Variants in GRID2 observed in about 807,000 individuals in gnomAD.
The protein encoded by GRID2 is glutamate ionotropic receptor delta type subunit 2.
In GRID2, 33 loss-of-function variants were observed where a neutral mutation model predicts 114.8. The ratio of observed to expected loss-of-function variants is 0.29; its 90% CI spans 0.22 to 0.38. The LOEUF (loss-of-function observed/expected upper bound fraction) is 0.38, where lower values mean the gene tolerates loss of function less well. Among genes scored for constraint, GRID2 ranks in the 10% least tolerant of loss-of-function variants. The pLI is 1.00. For missense variants in GRID2, 1,184 were observed against 1,257.7 expected, an observed-to-expected ratio of 0.94 and a Z score of 0.89; for synonymous variants, 505 against 449.9, an observed-to-expected ratio of 1.12 and a Z score of -1.55.
intron 1 of GRID2, among the ~76,000 whole-genome samples, chr4:92,313,667 G>A (rs995198381): frequency 2.0e-5 from 3 of 151,974 alleles, no homozygotes; most frequent in African/African-American, 7.2e-5. Flanking sequence ...AGGAGTACAT[G>A]GTATTCTGGA....
chr4:93,220,652 C>T (rs921529511), intron 6 of GRID2, among the ~76,000 whole-genome samples: 11 of 152,088 alleles, frequency 7.2e-5, no homozygotes, highest in African/African-American at 1.9e-4. Context: ...TAGATGTATT[C>T]GGTGGCTTTG....
chr4:93,240,420 G>T (rs1052030448), intron 8 of GRID2, among the ~76,000 whole-genome samples: 1 of 151,140 alleles, frequency 6.6e-6, no homozygotes. Flanking sequence ...CTCTTCAGGT[G>T]TTTCTGAGTT....
intron 11 of GRID2, among the ~76,000 whole-genome samples, chr4:93,490,295 A>G (rs1179435438): frequency 6.6e-6 from 1 of 151,942 alleles, no homozygotes; most frequent in Admixed American, 6.6e-5. Flanking sequence ...AGGCATAGCA[A>G]TATTAATGTC....
intron 1 of GRID2, among the ~76,000 whole-genome samples, chr4:92,473,858 T>C (rs1252421120): frequency 6.6e-6 from 1 of 151,836 alleles, no homozygotes; most frequent in Non-Finnish European, 1.5e-5. Flanking sequence ...ACATAAAAAT[T>C]AGTATATTTA....
rs1731637414 is a variant in GRID2 at position 93,533,245 on chromosome 4, T to TTCCTTC, written c.2193+17834_2193+17835insTCCTTC. ...AATCTTGTAGGGCCCTTTCTTTCTC[T>TTCCTTC]CTTCCTTCCTTCCTTCCTTCCTTCC... On this transcript the variant is annotated intron_variant, in intron 13 of 15. Coordinates refer to ENST00000282020, the MANE Select transcript of GRID2 (RefSeq NM_001510.4). 1.8e-4 allele frequency among the ~76,000 whole-genome samples: 19 copies of TTCCTTC among 105,790 alleles called. No individual in the cohort carries two copies. In the East Asian group the frequency reaches 3.9e-3, roughly 22 times the overall value. 69.4% of individuals were successfully genotyped at this position (105,790 alleles called of 152,430 possible). A position where few individuals can be genotyped will look rare whatever the true frequency, so the allele number is the denominator to read the frequency against.
chr4:92,961,791 C>T (rs576156675), intron 2 of GRID2, among the ~76,000 whole-genome samples: 2 of 151,586 alleles, frequency 1.3e-5, no homozygotes, highest in Non-Finnish European at 2.9e-5. Context: ...CTGATAGTCT[C>T]ATTACATATA....
chr4:93,247,565 C>A (rs1045264956), intron 8 of GRID2, among the ~76,000 whole-genome samples: 2 of 151,984 alleles, frequency 1.3e-5, no homozygotes, highest in African/African-American at 4.8e-5. Flanking sequence ...GGCCTTACAC[C>A]CAGACTGGGA....
At chr4:93,249,113 A>G (rs1174135280) in intron 8 of GRID2, among the ~76,000 whole-genome samples, 1 of 152,188 alleles carries the variant, frequency 6.6e-6, no homozygotes, top group Non-Finnish European at 1.5e-5. Flanking sequence ...TCCCAAAATC[A>G]TTTATTAAAT....
intron 1 of GRID2, among the ~76,000 whole-genome samples, chr4:92,544,268 T>C (rs1726130143): frequency 6.6e-6 from 1 of 152,158 alleles, no homozygotes; most frequent in African/African-American, 2.4e-5. Context: ...GTAACTGTCA[T>C]GTAAACTGAT....
intron 2 of GRID2, among the ~76,000 whole-genome samples, chr4:92,886,454 C>T (rs1746373695): frequency 6.6e-6 from 1 of 151,920 alleles, no homozygotes; most frequent in African/African-American, 2.4e-5. Context: ...AACACAATAG[C>T]CTTGAAGTGC....
intron 13 of GRID2, among the ~76,000 whole-genome samples, chr4:93,596,036 A>G (rs1456766161): frequency 2.0e-5 from 3 of 152,176 alleles, no homozygotes; most frequent in African/African-American, 7.2e-5. Flanking sequence ...TGTTTATTCT[A>G]CATCTGTGTG....
intron 8 of GRID2, among the ~76,000 whole-genome samples, chr4:93,308,495 A>G (rs1330067622): frequency 6.6e-6 from 1 of 152,120 alleles, no homozygotes; most frequent in African/African-American, 2.4e-5. Context: ...CAAATTGTAA[A>G]CTCAGTCGAA....
chr4:93,317,987 AT>A (rs1756847018), intron 8 of GRID2, among the ~76,000 whole-genome samples: 1 of 3,588 alleles, frequency 2.8e-4, no homozygotes. Context: ...TAAAAGTGAA[AT>A]ATATATATAT....
chr4:92,982,535 C>A (rs904055177), intron 2 of GRID2, among the ~76,000 whole-genome samples: 2 of 152,022 alleles, frequency 1.3e-5, no homozygotes, highest in African/African-American at 4.8e-5. Flanking sequence ...CTGATTTGGT[C>A]CCAAATTCTG....
At chr4:92,544,154 C>A (rs1726121325) in intron 1 of GRID2, among the ~76,000 whole-genome samples, 2 of 152,222 alleles carry the variant, frequency 1.3e-5, no homozygotes, top group Non-Finnish European at 2.9e-5. Context: ...TTCCTCTCAA[C>A]AAAATGTTGC....
chr4:92,921,284 G>T (rs558185134), intron 2 of GRID2, among the ~76,000 whole-genome samples: 1 of 151,842 alleles, frequency 6.6e-6, no homozygotes, highest in Non-Finnish European at 1.5e-5. Flanking sequence ...CTTCTTTACC[G>T]TGGGTTCGAA....
Position 92,674,228 on chromosome 4 carries a change from A to G in GRID2, c.244+83942A>G, listed in dbSNP as rs551549280. Among the ~76,000 whole-genome samples the G allele has an allele frequency of 6.6e-5, 10 of 151,984 alleles. No homozygotes were observed. The East Asian group carries it at 1.7e-3, about 27-fold the overall frequency. The stretch of plus-strand genomic sequence containing the variant: ...AACTCTTCAAATGTTTTTGAACCTT[A>G]TTTTCTCTCTCCTTCCTCTAGGACT... On this transcript the variant is annotated intron_variant, in intron 2 of 15. Coordinates refer to ENST00000282020, the MANE Select transcript of GRID2 (RefSeq NM_001510.4).
At chr4:92,919,629 C>A (rs1001962444) in intron 2 of GRID2, among the ~76,000 whole-genome samples, 2 of 152,112 alleles carry the variant, frequency 1.3e-5, no homozygotes, top group African/African-American at 4.8e-5. Context: ...CATTCAGGAG[C>A]AGGTTGTTCA....
intron 15 of GRID2, 83 bp downstream of exon 15, chr4:93,769,533 G>T: frequency 7.7e-7 from 1 of 1,304,170 alleles, no homozygotes; most frequent in Admixed American, 2.1e-5. Context: ...GGAGGATAAT[G>T]GGTTGGGGGT....
Sources: allele counts gnomAD v4.1 joint callset (sites outside exome capture counted in the v4.1 genomes callset), GRCh38; gene constraint gnomAD v4.1.1; transcripts MANE v1.5; gene names NCBI Gene and HGNC (gene_info 2026-07-23, HGNC 2026-07-21).